Variants in ZC3H12B observed in about 807,000 individuals in gnomAD.
The protein encoded by ZC3H12B is probable ribonuclease ZC3H12B.
In ZC3H12B, 7 loss-of-function variants were observed where a neutral mutation model predicts 43.9. That is an observed-to-expected ratio of 0.16 (90% CI 0.09 to 0.30). The LOEUF is 0.30. ZC3H12B is among the 10% of genes least tolerant of loss of function. The pLI, the probability that ZC3H12B is intolerant of heterozygous loss-of-function variation, is 1.00. For synonymous variants in ZC3H12B, 222 were observed against 241.7 expected (o/e 0.92, Z 0.76); for missense variants, 475 against 670.2 (o/e 0.71, Z 3.22).
chrX:65,301,027 G>T, the ZC3H12B span, among the ~76,000 whole-genome samples: 1 of 109,457 alleles, frequency 9.1e-6, no homozygotes, highest in Non-Finnish European at 1.9e-5. Context: ...CTAAGGACAT[G>T]AACAGACAAT....
At chrX:65,415,400 T>C (rs1388154882) in intron 3 of ZC3H12B, among the ~76,000 whole-genome samples, 1 of 112,870 alleles carries the variant, frequency 8.9e-6, no homozygotes, top group Non-Finnish European at 1.9e-5. Context: ...CAGTGCCATT[T>C]CAAAATATGA....
the ZC3H12B span, chrX:65,331,120 T>C: frequency 3.4e-6 from 1 of 297,705 alleles, no homozygotes; most frequent in Non-Finnish European, 6.6e-6. Context: ...ATTTCACTTG[T>C]TTGTCCTTTA....
the ZC3H12B span, among the ~76,000 whole-genome samples, chrX:65,259,723 A>G: frequency 8.9e-6 from 1 of 112,233 alleles, no homozygotes; most frequent in Non-Finnish European, 1.9e-5. Context: ...ACTAGCAGGT[A>G]TCTACCCAAA....
At chrX:65,162,191 C>T in the ZC3H12B span, among the ~76,000 whole-genome samples, 1 of 110,982 alleles carries the variant, frequency 9.0e-6, no homozygotes, top group East Asian at 2.8e-4. Flanking sequence ...TCTCTGGCTG[C>T]CCTTAACATT....
chrX:65,325,625 G>A, the ZC3H12B span, among the ~76,000 whole-genome samples: 1 of 110,909 alleles, frequency 9.0e-6, no homozygotes, highest in East Asian at 2.8e-4. Flanking sequence ...TAAAAAGTTA[G>A]CCCATGTTTA....
At chrX:65,357,233 A>G in the ZC3H12B span, 1 of 379,025 alleles carries the variant, frequency 2.6e-6, no homozygotes, top group African/African-American at 2.5e-5. Context: ...GAGAATATCC[A>G]GGCAGTTTGC....
chrX:65,076,362 C>A, the ZC3H12B span, among the ~76,000 whole-genome samples: 2 of 110,743 alleles, frequency 1.8e-5, no homozygotes, highest in Non-Finnish European at 3.8e-5. Flanking sequence ...TAGTCTCAAA[C>A]TCCTGGCCTC....
chrX:65,067,526 G>T, the ZC3H12B span, among the ~76,000 whole-genome samples: 1 of 110,325 alleles, frequency 9.1e-6, no homozygotes, highest in Non-Finnish European at 1.9e-5. Flanking sequence ...TGGAAATGAA[G>T]AAATCACCCT....
chrX:65,073,610 A>G, the ZC3H12B span, among the ~76,000 whole-genome samples: 2 of 112,204 alleles, frequency 1.8e-5, no homozygotes, highest in African/African-American at 6.5e-5. Context: ...GAAGATGGCC[A>G]TCCATGGCTG....
the ZC3H12B span, among the ~76,000 whole-genome samples, chrX:65,039,666 T>G: frequency 9.0e-6 from 1 of 111,450 alleles, no homozygotes; most frequent in South Asian, 3.8e-4. Flanking sequence ...TAGGAAAGAT[T>G]TTCTGTGATT....
chrX:65,301,942 A>G, the ZC3H12B span, among the ~76,000 whole-genome samples: 1 of 111,597 alleles, frequency 9.0e-6, no homozygotes. Flanking sequence ...ATAGCTTTAA[A>G]CGATCCTTTC....
chrX:65,081,604 C>G, the ZC3H12B span, among the ~76,000 whole-genome samples: 1 of 111,698 alleles, frequency 9.0e-6, no homozygotes, highest in Admixed American at 9.5e-5. Flanking sequence ...TATATATGCA[C>G]CCAACACTGG....
At chrX:65,406,009 C>G (rs1013309761) in intron 3 of ZC3H12B, among the ~76,000 whole-genome samples, 3 of 111,670 alleles carry the variant, frequency 2.7e-5, no homozygotes, top group African/African-American at 9.8e-5. Flanking sequence ...TAAGAAGTCT[C>G]TTAGTAAAGA....
chrX:65,324,185 GCTCT>G, the ZC3H12B span, among the ~76,000 whole-genome samples: 4 of 112,034 alleles, frequency 3.6e-5, no homozygotes, highest in Non-Finnish European at 7.5e-5. Flanking sequence ...CTGTGCAGAA[GCTCT>G]CTAAGTTAAT....
chrX:65,299,143 A>G, the ZC3H12B span, among the ~76,000 whole-genome samples: 1 of 112,447 alleles, frequency 8.9e-6, no homozygotes, highest in Middle Eastern at 4.6e-3. Context: ...CGTGAACTAC[A>G]TAATGACATT....
intron 1 of ZC3H12B, among the ~76,000 whole-genome samples, chrX:65,368,593 T>C (rs1208204035): frequency 8.9e-6 from 1 of 112,080 alleles, no homozygotes; most frequent in African/African-American, 3.2e-5. Context: ...TAAGTTTTCT[T>C]AGGCTTGTGG....
the ZC3H12B span, among the ~76,000 whole-genome samples, chrX:65,102,490 C>T: frequency 2.7e-5 from 3 of 111,767 alleles, no homozygotes; most frequent in South Asian, 3.7e-4. Flanking sequence ...GAAAGCCTGT[C>T]GTCTCAGCCC....
At chrX:65,315,654 GAAA>G in the ZC3H12B span, among the ~76,000 whole-genome samples, 1 of 111,142 alleles carries the variant, frequency 9.0e-6, no homozygotes, top group African/African-American at 3.3e-5. Context: ...AAAACCAAAA[GAAA>G]AAAATCCATC....
the ZC3H12B span, among the ~76,000 whole-genome samples, chrX:65,331,646 T>C: frequency 1.8e-5 from 2 of 110,688 alleles, no homozygotes; most frequent in African/African-American, 6.6e-5. Context: ...AAAGAATGGC[T>C]ACTCTATAAG....
Sources: allele counts gnomAD v4.1 joint callset (sites outside exome capture counted in the v4.1 genomes callset), GRCh38; gene constraint gnomAD v4.1.1; transcripts MANE v1.5; gene names NCBI Gene and HGNC (gene_info 2026-07-23, HGNC 2026-07-21).